Variants in PRRC2C observed in about 807,000 individuals in gnomAD.
The protein encoded by PRRC2C is protein PRRC2C.
PRRC2C carries 72 observed loss-of-function variants against 317.2 expected under a neutral mutation model. That is an observed-to-expected ratio of 0.23 (90% confidence interval 0.19 to 0.28). The LOEUF (loss-of-function observed/expected upper bound fraction) is 0.28. Among genes scored for constraint, PRRC2C ranks in the 10% least tolerant of loss-of-function variants. The pLI is 1.00. For missense variants in PRRC2C, 3,074 were observed against 3,459.7 expected, an observed-to-expected ratio of 0.89 and a Z score of 2.80; for synonymous variants, 1,296 against 1,205.9, an observed-to-expected ratio of 1.07 and a Z score of -1.55.
At chr1:171,585,412 T>A (rs1649647527) in intron 30 of PRRC2C, among the ~76,000 whole-genome samples, 1 of 148,804 alleles carries the variant, frequency 6.7e-6, no homozygotes, top group Non-Finnish European at 1.5e-5. Flanking sequence ...ATAATTTCAT[T>A]AGCTTATTCT....
chr1:171,495,611 C>T (rs1667956718), intron 1 of PRRC2C, among the ~76,000 whole-genome samples: 1 of 152,102 alleles, frequency 6.6e-6, no homozygotes, highest in Non-Finnish European at 1.5e-5. Flanking sequence ...CTAGTACTTT[C>T]AGTAGTCTTA....
At chr1:171,500,285 C>T (rs1197169291) in intron 1 of PRRC2C, among the ~76,000 whole-genome samples, 1 of 152,164 alleles carries the variant, frequency 6.6e-6, no homozygotes, top group Non-Finnish European at 1.5e-5. Flanking sequence ...AGTATTAAAA[C>T]TAGAATCTTA....
chr1:171,507,034 C>G (rs140808790), intron 1 of PRRC2C, among the ~76,000 whole-genome samples: 3 of 152,028 alleles, frequency 2.0e-5, no homozygotes, highest in South Asian at 2.1e-4. Flanking sequence ...CTCCCCACCC[C>G]CCTTGATTCT....
intron 34 of PRRC2C, 83 bp from the exon 35 acceptor site, chr1:171,591,504 G>A: frequency 6.6e-7 from 1 of 1,512,018 alleles, no homozygotes; most frequent in Non-Finnish European, 8.9e-7. Context: ...ATTTGTGATT[G>A]GTAAAAGAAT....
At chr1:171,581,296 T>C (rs915528801) in intron 28 of PRRC2C, among the ~76,000 whole-genome samples, 21 of 152,252 alleles carry the variant, frequency 1.4e-4, no homozygotes, top group African/African-American at 4.8e-4. Context: ...CTAGATTTAA[T>C]CTCACAAGCC....
chr1:171,560,616 A>G (rs1682491434), intron 19 of PRRC2C, among the ~76,000 whole-genome samples: 1 of 152,258 alleles, frequency 6.6e-6, no homozygotes, highest in Admixed American at 6.5e-5. Flanking sequence ...CAAAAAAAGT[A>G]CAATTCAAAG....
chr1:171,591,886 GA>G lies in PRRC2C; in HGVS notation c.*43del. The stretch of plus-strand genomic sequence containing the variant: ...TTGCAGGGGATTGGGAGGGGGGCGG[GA>G]AAACATGGAGAATTAAGTCAGATAA... On this transcript the variant is annotated 3_prime_UTR_variant, in exon 35 of 35. Coordinates refer to ENST00000647382, the MANE Select transcript of PRRC2C (RefSeq NM_001387844.1). 2.1e-6 allele frequency: 1 copy of G among 475,636 alleles called. No homozygotes were observed. The highest frequency in any genetic ancestry group is 3.7e-6 in the Non-Finnish European group (1 of 266,840). The allele number at this position is 475,636 out of a possible 1,614,324, so 29.5% of individuals were successfully genotyped here.
chr1:171,492,585 C>T (rs1391717926), intron 1 of PRRC2C, among the ~76,000 whole-genome samples: 1 of 151,788 alleles, frequency 6.6e-6, no homozygotes, highest in African/African-American at 2.4e-5. Flanking sequence ...TAACAGGTTG[C>T]CTGAGGAGGG....
chr1:171,579,670 G>A (rs1458171695), intron 27 of PRRC2C, among the ~76,000 whole-genome samples, 158 bp from the exon 28 acceptor site: 1 of 152,194 alleles, frequency 6.6e-6, no homozygotes, highest in African/African-American at 2.4e-5. Context: ...GGTTGAAAGG[G>A]AAATTTAGAT....
intron 20 of PRRC2C, among the ~76,000 whole-genome samples, chr1:171,565,153 G>A (rs896804078): frequency 6.6e-6 from 1 of 152,082 alleles, no homozygotes; most frequent in Non-Finnish European, 1.5e-5. Context: ...CCCCATACCT[G>A]CTATGCTTCA....
At chr1:171,561,335 C>CT (rs1001312085) in intron 20 of PRRC2C, among the ~76,000 whole-genome samples, 5 of 152,120 alleles carry the variant, frequency 3.3e-5, no homozygotes, top group Admixed American at 6.6e-5. Context: ...TGCTTGTAGT[C>CT]TCAGCTACTC....
chr1:171,542,237 C>T lies in PRRC2C; in HGVS notation c.4763+8C>T. The T allele has an allele frequency of 1.3e-6, 2 of 1,506,214 alleles. No individual in the cohort carries two copies. The highest frequency in any genetic ancestry group is 1.8e-6 in the Non-Finnish European group (2 of 1,131,148). 93.3% of individuals were successfully genotyped at this position (1,506,214 alleles called of 1,614,324 possible). A position where few individuals can be genotyped will look rare whatever the true frequency, so the allele number is the denominator to read the frequency against. The stretch of plus-strand genomic sequence containing the variant: ...AAAAAGTGGGAAGAGAGGGTGAGTA[C>T]TTTGTTTTAAATATAGTTGCTTTTG... On this transcript the variant is annotated splice_region_variant and intron_variant, in intron 16 of 34. Transcript: ENST00000647382.
intron 5 of PRRC2C, among the ~76,000 whole-genome samples, chr1:171,516,461 G>A (rs532638237): frequency 3.3e-5 from 5 of 152,082 alleles, no homozygotes; most frequent in Admixed American, 6.6e-5. Flanking sequence ...AAAACCTGAT[G>A]TATTTCACAT....
At chr1:171,576,152 A>G (rs974630679) in intron 25 of PRRC2C, among the ~76,000 whole-genome samples, 14 of 152,232 alleles carry the variant, frequency 9.2e-5, no homozygotes, top group Non-Finnish European at 2.9e-5. Context: ...TTGCCAAGGC[A>G]TCTTCACTTA....
At chr1:171,534,231 A>G (rs1158799106) in intron 12 of PRRC2C, among the ~76,000 whole-genome samples, 1 of 152,124 alleles carries the variant, frequency 6.6e-6, no homozygotes, top group Non-Finnish European at 1.5e-5. Flanking sequence ...GATTTTTTTC[A>G]TATTAATCAA....
chr1:171,570,093 T>C (rs1348789289), intron 23 of PRRC2C, among the ~76,000 whole-genome samples: 1 of 152,090 alleles, frequency 6.6e-6, no homozygotes, highest in South Asian at 2.1e-4. Context: ...AAAGATCAGT[T>C]TGGGTTAGGG....
chr1:171,547,656 T>TA (rs1679400277), intron 17 of PRRC2C, among the ~76,000 whole-genome samples: 2 of 149,242 alleles, frequency 1.3e-5, no homozygotes, highest in Non-Finnish European at 3.0e-5. Context: ...GTTTTTTTTT[T>TA]TTTTTGAGAC....
intron 23 of PRRC2C, among the ~76,000 whole-genome samples, chr1:171,569,628 C>T (rs1446657315): frequency 5.6e-4 from 45 of 80,412 alleles, no homozygotes; most frequent in African/African-American, 1.6e-3. Flanking sequence ...CCTTATACCT[C>T]CTGTGAAAAA....
chr1:171,550,135 C>A lies in PRRC2C; in HGVS notation c.5022C>A (p.Pro1674=). Residue 1674 remains proline, a synonymous_variant, in exon 18 of 35, where the codon CCC becomes CCA. Coordinates refer to ENST00000647382, the MANE Select transcript of PRRC2C (RefSeq NM_001387844.1). ...DHPEVTVIED[P]QSNLNDDGFT... is the part of the protein sequence containing the mutation. ...CTGAAGTAACAGTAATTGAAGATCC[C>A]CAGTCAAATTTGAATGATGATGGTT... 6.2e-7 allele frequency: 1 copy of A among 1,607,612 alleles called. No individual in the cohort carries two copies. The highest frequency in any genetic ancestry group is 1.1e-5 in the South Asian group (1 of 89,816).
Sources: allele counts gnomAD v4.1 joint callset (sites outside exome capture counted in the v4.1 genomes callset), GRCh38; gene constraint gnomAD v4.1.1; transcripts MANE v1.5; gene names NCBI Gene and HGNC (gene_info 2026-07-23, HGNC 2026-07-21).